PDE6A: variants seen among roughly 807,000 people sequenced by gnomAD.
The protein encoded by PDE6A is phosphodiesterase 6A, also known as rod cGMP-specific 3',5'-cyclic phosphodiesterase subunit alpha.
Under a neutral mutation model 106.3 loss-of-function variants are expected in PDE6A, and 84 were observed. The ratio of observed to expected loss-of-function variants is 0.79; its 90% confidence interval spans 0.66 to 0.95. The LOEUF (loss-of-function observed/expected upper bound fraction) is 0.95, where lower values mean the gene tolerates loss of function less well. PDE6A is among the 40% of genes least tolerant of loss of function. PDE6A has a pLI of 0.00. For synonymous variants in PDE6A, 394 were observed against 386.6 expected (o/e 1.02, Z -0.23); for missense variants, 1,052 against 1,084.9 (o/e 0.97, Z 0.43).
intron 12 of PDE6A, 31 bp downstream of exon 12, chr5:149,896,325 G>C: frequency 6.4e-7 from 1 of 1,567,584 alleles, no homozygotes; most frequent in South Asian, 1.1e-5. Context: ...AAATTAAAAA[G>C]GGAAATCATA....
intron 20 of PDE6A, among the ~76,000 whole-genome samples, chr5:149,864,117 G>C (rs1760240278): frequency 6.6e-6 from 1 of 152,294 alleles, no homozygotes; most frequent in South Asian, 2.1e-4. Context: ...GAGAGGCTGA[G>C]AACCTGGAGA....
At chr5:149,921,490 A>C (rs954950714) in intron 5 of PDE6A, 145 bp downstream of exon 5, 1 of 665,158 alleles carries the variant, frequency 1.5e-6, no homozygotes, top group African/African-American at 1.8e-5. Context: ...CTGCTATTGA[A>C]TATGAGAGAT....
At chr5:149,872,126 C>T (rs1232933240) in intron 17 of PDE6A, among the ~76,000 whole-genome samples, 1 of 152,156 alleles carries the variant, frequency 6.6e-6, no homozygotes, top group Non-Finnish European at 1.5e-5. Context: ...TGCAAAATTC[C>T]ATGCAGGGCT....
At chr5:149,866,092 TTA>T (rs1760320534) in intron 20 of PDE6A, 76 bp downstream of exon 20, 5 of 1,033,802 alleles carry the variant, frequency 4.8e-6, no homozygotes, top group African/African-American at 1.6e-5. Flanking sequence ...CTGCTAGGGT[TTA>T]TTATTCCTGC....
At chr5:149,879,418 G>T (rs764109547) in intron 17 of PDE6A, among the ~76,000 whole-genome samples, 10 of 148,374 alleles carry the variant, frequency 6.7e-5, no homozygotes, top group South Asian at 2.1e-4. Flanking sequence ...TTTTTTTTAG[G>T]TTTTTTTTTT....
At chr5:149,898,270 G>A in intron 10 of PDE6A, 93 bp downstream of exon 10, 1 of 1,106,738 alleles carries the variant, frequency 9.0e-7, no homozygotes, top group Non-Finnish European at 1.4e-6. Flanking sequence ...CCCAGGCTGT[G>A]CCCTCATGGA....
At position 149,860,276 on chromosome 5, in the gene PDE6A, C is replaced by T. The variant is rs1267176760; in HGVS notation, c.*619G>A. 1 of 152,160 alleles carries T rather than the reference C, an allele frequency of 6.6e-6. No homozygotes were observed. Among genetic ancestry groups the T allele is most frequent in the African/African-American group, 2.4e-5 (1 of 41,418 alleles). The allele number at this position is 152,160 out of a possible 1,614,324, so 9.4% of individuals were successfully genotyped here. On this transcript the variant is annotated 3_prime_UTR_variant, in exon 22 of 22. Coordinates refer to ENST00000255266, the MANE Select transcript of PDE6A (RefSeq NM_000440.3). The stretch of plus-strand genomic sequence containing the variant: ...ACAGACGAAATGCATGTAGCAAAAT[C>T]TTGATATTGGAATCTGGGTGATGGG...
At chr5:149,935,528 C>A (rs1268622499) in intron 1 of PDE6A, among the ~76,000 whole-genome samples, 2 of 152,138 alleles carry the variant, frequency 1.3e-5, no homozygotes, top group Admixed American at 6.6e-5. Context: ...TTCAGGCCAG[C>A]TCAAAGAAAA....
intron 2 of PDE6A, 66 bp from the exon 3 acceptor site, chr5:149,934,085 C>A: frequency 1.1e-6 from 1 of 879,598 alleles, no homozygotes; most frequent in Non-Finnish European, 1.9e-6. Flanking sequence ...GCTACTTTTA[C>A]CATCAGCAAA....
rs1754053220 is a variant in PDE6A at position 149,932,177 on chromosome 5, G to A, written c.718-1009C>T. 3.3e-6 allele frequency: 4 copies of A among 1,225,852 alleles called. No homozygotes were observed. In the African/African-American group the frequency reaches 4.4e-5, roughly 13 times the overall value. 75.9% of individuals were successfully genotyped at this position (1,225,852 alleles called of 1,614,324 possible). On this transcript the variant is annotated intron_variant, in intron 3 of 21. Transcript: ENST00000255266. ...GTGAAGCTGCATCTACAACAGTCAG[G>A]TCATCTGATGTTCCTTCAATTGTTG...
chr5:149,881,942 C>T (rs1760942586), intron 17 of PDE6A, among the ~76,000 whole-genome samples: 1 of 151,034 alleles, frequency 6.6e-6, no homozygotes, highest in Admixed American at 6.6e-5. Flanking sequence ...GTCCCAACTA[C>T]TAAGGAGGCT....
intron 17 of PDE6A, among the ~76,000 whole-genome samples, chr5:149,879,215 G>A (rs948886353): frequency 3.3e-5 from 5 of 151,984 alleles, no homozygotes; most frequent in Non-Finnish European, 7.4e-5. Context: ...GGGATTACAG[G>A]CGCCTGCTAC....
intron 17 of PDE6A, among the ~76,000 whole-genome samples, chr5:149,879,834 C>G (rs1404055009): frequency 2.0e-5 from 3 of 151,424 alleles, no homozygotes; most frequent in Admixed American, 2.0e-4. Flanking sequence ...TTTTTTCGTG[C>G]TCTCTTTTCT....
Position 149,907,302 on chromosome 5 carries a change from T to C in PDE6A, c.1065+10A>G, listed in dbSNP as rs756395673. The C allele has an allele frequency of 2.9e-5, 47 of 1,603,746 alleles. No individual in the cohort carries two copies. The highest frequency in any genetic ancestry group is 3.8e-5 in the Non-Finnish European group (45 of 1,170,694). On this transcript the variant is annotated intron_variant, in intron 7 of 21. Transcript: ENST00000255266. Reference sequence around the variant, plus strand: ...CCAAAACTCTCCCCCTTCAAAGTTATATTACTTACCAGGCCATTCTGGGCA... The same window carrying C: ...CCAAAACTCTCCCCCTTCAAAGTTACATTACTTACCAGGCCATTCTGGGCA...
At chr5:149,867,333 G>A (rs1760366682) in intron 19 of PDE6A, 1 of 337,464 alleles carries the variant, frequency 3.0e-6, no homozygotes, top group South Asian at 2.7e-5. Context: ...TTAGATTAGG[G>A]TCAGGGGAGG....
intron 17 of PDE6A, among the ~76,000 whole-genome samples, chr5:149,882,929 G>A (rs998190212): frequency 1.3e-5 from 2 of 152,104 alleles, no homozygotes; most frequent in East Asian, 1.9e-4. Flanking sequence ...GTGGTGGTGG[G>A]TGACTGTAAT....
At chr5:149,875,994 ATGTG>A (rs985934194) in intron 17 of PDE6A, among the ~76,000 whole-genome samples, 1 of 152,156 alleles carries the variant, frequency 6.6e-6, no homozygotes, top group African/African-American at 2.4e-5. Flanking sequence ...CTGTATATAT[ATGTG>A]TGTGTGTACA....
At chr5:149,932,539 C>T (rs1754067638) in intron 3 of PDE6A, 8 of 1,415,032 alleles carry the variant, frequency 5.7e-6, no homozygotes, top group African/African-American at 2.8e-5. Flanking sequence ...GCATTTGGAA[C>T]TCCTTTTTGG....
intron 10 of PDE6A, among the ~76,000 whole-genome samples, chr5:149,897,708 G>T (rs555467472): frequency 6.6e-6 from 1 of 152,204 alleles, no homozygotes; most frequent in African/African-American, 2.4e-5. Context: ...AGCCTCCCGA[G>T]TAGCTGGGAC....
Sources: gnomAD v4.1 joint callset for allele counts (sites outside exome capture counted in the v4.1 genomes callset) on GRCh38, gnomAD v4.1.1 for gene constraint, MANE v1.5 for transcripts, NCBI Gene and HGNC (gene_info 2026-07-23, HGNC 2026-07-21) for gene names.